The following JAZF1 variants were observed in gnomAD, a reference collection of about 807,000 sequenced individuals.
JAZF1 encodes the protein juxtaposed with another zinc finger protein 1.
In JAZF1, 8 loss-of-function variants were observed where a neutral mutation model predicts 26.4. The ratio of observed to expected loss-of-function variants is 0.30; its 90% CI spans 0.18 to 0.55. JAZF1 has a LOEUF of 0.55. Ranked by LOEUF, JAZF1 falls within the 20% of genes least tolerant of loss-of-function variation. The probability of loss-of-function intolerance (pLI) is 0.94; values close to 1 mark genes in which losing one functional copy is unlikely to be tolerated. For synonymous variants in JAZF1, 126 were observed against 122.3 expected (o/e 1.03, Z -0.20); for missense variants, 199 against 322.0 (o/e 0.62, Z 2.92).
At chr7:28,057,557 T>C (rs535446609) in intron 1 of JAZF1, among the ~76,000 whole-genome samples, 1 of 152,300 alleles carries the variant, frequency 6.6e-6, no homozygotes, top group African/African-American at 2.4e-5. Flanking sequence ...ATTACAGAGA[T>C]TTTTCAAACA....
chr7:28,020,524 CT>C (rs1197359135), intron 1 of JAZF1: 2 of 470,484 alleles, frequency 4.3e-6, no homozygotes, highest in Non-Finnish European at 8.8e-6. Context: ...ATACTGACAT[CT>C]TGTGGTTACA....
At chr7:27,906,532 A>C (rs1331995118) in intron 2 of JAZF1, among the ~76,000 whole-genome samples, 3 of 152,222 alleles carry the variant, frequency 2.0e-5, no homozygotes, top group African/African-American at 7.2e-5. Context: ...GATATAGTCA[A>C]TCTACCTTAA....
At chr7:27,972,644 C>T (rs1415739129) in intron 2 of JAZF1, among the ~76,000 whole-genome samples, 2 of 152,128 alleles carry the variant, frequency 1.3e-5, no homozygotes, top group Admixed American at 6.5e-5. Context: ...GCAGGATTAT[C>T]GTTAGTGGTG....
chr7:28,025,934 A>G (rs1783086442), intron 1 of JAZF1, among the ~76,000 whole-genome samples: 1 of 152,212 alleles, frequency 6.6e-6, no homozygotes, highest in South Asian at 2.1e-4. Flanking sequence ...GGTAGGTTAT[A>G]TGTCAATTAA....
chr7:28,128,429 G>A (rs1782734828), intron 1 of JAZF1, among the ~76,000 whole-genome samples: 2 of 152,178 alleles, frequency 1.3e-5, no homozygotes, highest in Non-Finnish European at 2.9e-5. Context: ...GGCTGAGGGA[G>A]AAGAATCGCT....
Position 27,831,782 on chromosome 7 carries a change from T to TTTTAG in JAZF1, c.*1013_*1017dup. 4.5e-6 allele frequency: 1 copy of TTTTAG among 222,448 alleles called. No individual in the cohort carries two copies. Among genetic ancestry groups the TTTTAG allele is most frequent in the East Asian group, 6.6e-5 (1 of 15,156 alleles). The allele number at this position is 222,448 out of a possible 1,614,324, so 13.8% of individuals were successfully genotyped here. The stretch of plus-strand genomic sequence containing the variant: ...GTTCATCTTTGAAACGTGCTTAGAA[T>TTTTAG]TTTAGTTCTGATTTGCAACCCACAG... On this transcript the variant is annotated 3_prime_UTR_variant, in exon 5 of 5. Transcript: ENST00000283928.
At chr7:28,023,760 T>C (rs1347614913) in intron 1 of JAZF1, among the ~76,000 whole-genome samples, 2 of 152,174 alleles carry the variant, frequency 1.3e-5, no homozygotes, top group African/African-American at 4.8e-5. Flanking sequence ...ACAGTTTTAG[T>C]AAGAGAGAGG....
At chr7:28,037,824 A>G (rs1198150733) in intron 1 of JAZF1, among the ~76,000 whole-genome samples, 2 of 152,166 alleles carry the variant, frequency 1.3e-5, no homozygotes, top group Admixed American at 6.5e-5. Context: ...GCAACAAGGA[A>G]TCTTTCGCTG....
At chr7:27,863,262 T>C (rs1270230561) in intron 3 of JAZF1, among the ~76,000 whole-genome samples, 1 of 152,242 alleles carries the variant, frequency 6.6e-6, no homozygotes, top group African/African-American at 2.4e-5. Flanking sequence ...TCCATGTCCA[T>C]CTGGCTGGGG....
chr7:27,897,443 A>G (rs1264253864), intron 2 of JAZF1, among the ~76,000 whole-genome samples: 1 of 152,208 alleles, frequency 6.6e-6, no homozygotes, highest in Non-Finnish European at 1.5e-5. Context: ...GAGAGTAGGT[A>G]AGGAATTAAC....
chr7:27,949,507 T>A (rs766320757), intron 2 of JAZF1, among the ~76,000 whole-genome samples: 5 of 152,226 alleles, frequency 3.3e-5, no homozygotes, highest in Non-Finnish European at 5.9e-5. Flanking sequence ...TGTGCTCTTG[T>A]GGTTATTTAA....
At chr7:27,837,682 G>A (rs1583422809) in intron 4 of JAZF1, among the ~76,000 whole-genome samples, 1 of 152,204 alleles carries the variant, frequency 6.6e-6, no homozygotes, top group African/African-American at 2.4e-5. Context: ...CTGGAGAAAG[G>A]AGTGGAATTA....
At chr7:28,026,263 T>C (rs1783091835) in intron 1 of JAZF1, among the ~76,000 whole-genome samples, 1 of 152,210 alleles carries the variant, frequency 6.6e-6, no homozygotes, top group Non-Finnish European at 1.5e-5. Flanking sequence ...TATTCTTCTC[T>C]AAAGCCCAAA....
intron 3 of JAZF1, among the ~76,000 whole-genome samples, chr7:27,887,563 G>A (rs187080390): frequency 1.2e-3 from 184 of 152,096 alleles, no homozygotes; most frequent in Middle Eastern, 3.4e-3. Flanking sequence ...TTACAGGTGC[G>A]CACCAACATG....
chr7:28,040,535 A>G (rs1783371666), intron 1 of JAZF1, among the ~76,000 whole-genome samples: 1 of 152,158 alleles, frequency 6.6e-6, no homozygotes, highest in Non-Finnish European at 1.5e-5. Context: ...TAAACATCTC[A>G]GAGAGAGGGA....
intron 3 of JAZF1, among the ~76,000 whole-genome samples, chr7:27,863,460 A>G (rs1783416660): frequency 6.6e-6 from 1 of 152,156 alleles, no homozygotes; most frequent in African/African-American, 2.4e-5. Context: ...TTCCCCCAGG[A>G]GGCCTGCCCT....
In JAZF1 at chr7:28,057,994, G is replaced by A. The variant is rs74565237; in HGVS notation, c.116-66013C>T. ...CCTTCCATTTTCTGAGGGGTTTTTA[G>A]GTGGTTATTTTTTCTAACTGAGGCT... On this transcript the variant is annotated intron_variant, in intron 1 of 4. Coordinates refer to ENST00000283928, the MANE Select transcript of JAZF1 (RefSeq NM_175061.4). Among the ~76,000 whole-genome samples the A allele has an allele frequency of 8.2e-3, 1,247 of 152,246 alleles. 8 individuals are homozygous for A. Among genetic ancestry groups the A allele is most frequent in the Middle Eastern group, 0.024 (7 of 294 alleles).
At chr7:27,949,120 C>G (rs1784967111) in intron 2 of JAZF1, among the ~76,000 whole-genome samples, 1 of 152,136 alleles carries the variant, frequency 6.6e-6, no homozygotes, top group African/African-American at 2.4e-5. Flanking sequence ...CTGGACTCCT[C>G]CAATTCCATA....
intron 2 of JAZF1, among the ~76,000 whole-genome samples, chr7:27,913,074 A>C (rs1296806350): frequency 6.6e-6 from 1 of 152,024 alleles, no homozygotes; most frequent in Non-Finnish European, 1.5e-5. Flanking sequence ...CTTAGTGGGT[A>C]ATTCACTGAA....
Sources: gnomAD v4.1 joint callset for allele counts (sites outside exome capture counted in the v4.1 genomes callset) on GRCh38, gnomAD v4.1.1 for gene constraint, MANE v1.5 for transcripts, NCBI Gene and HGNC (gene_info 2026-07-23, HGNC 2026-07-21) for gene names.